Variants in CALB1 observed in about 807,000 individuals in gnomAD.
CALB1 encodes the protein calbindin.
Under a neutral mutation model 46.7 loss-of-function variants are expected in CALB1, and 16 were observed. The ratio of observed to expected loss-of-function variants is 0.34; its 90% CI spans 0.23 to 0.52. CALB1 has a LOEUF of 0.52. Ranked by LOEUF, CALB1 falls within the 20% of genes least tolerant of loss-of-function variation. The pLI, the probability that CALB1 is intolerant of heterozygous loss-of-function variation, is 0.95. For synonymous variants in CALB1, 90 were observed against 112.8 expected (o/e 0.80, Z 1.28); for missense variants, 224 against 300.3 (o/e 0.75, Z 1.88).
In CALB1 at chr8:90,060,213, C is replaced by A; in HGVS notation, c.746G>T (p.Arg249Leu). ...MALSDGGKLYRTDLALILCAG... is the reference protein window; with the variant it reads ...MALSDGGKLYLTDLALILCAG... ...ACAGAGAATAAGAGCAAGATCCGTT[C>A]GGTACAGCTTCCCTCCATCCGACAA... The change falls in exon 11 of 11, where the codon CGA becomes CTA. Residue 249 changes from arginine to leucine, a missense_variant. Transcript: ENST00000265431. The A allele has an allele frequency of 1.2e-6, 2 of 1,613,652 alleles. No homozygotes were observed. Among genetic ancestry groups the A allele is most frequent in the South Asian group, 1.1e-5 (1 of 91,072 alleles).
At chr8:90,065,011 A>C (rs1814366489) in intron 6 of CALB1, among the ~76,000 whole-genome samples, 2 of 151,870 alleles carry the variant, frequency 1.3e-5, no homozygotes, top group Admixed American at 6.6e-5. Flanking sequence ...TCAATCTAAT[A>C]TAACAGTAGC....
intron 3 of CALB1, among the ~76,000 whole-genome samples, chr8:90,071,153 G>C (rs991972689): frequency 6.6e-6 from 1 of 152,162 alleles, no homozygotes; most frequent in South Asian, 2.1e-4. Context: ...GAGTGGTTTG[G>C]TTGCTTCTTT....
At position 90,059,612 on chromosome 8, in the gene CALB1, G is replaced by A. The variant is rs1310545542; in HGVS notation, c.*561C>T. The A allele has an allele frequency of 6.6e-6, 1 of 152,646 alleles. No individual in the cohort carries two copies. The highest frequency in any genetic ancestry group is 1.5e-5 in the Non-Finnish European group (1 of 68,414). 9.5% of individuals were successfully genotyped at this position (152,646 alleles called of 1,614,324 possible). The stretch of plus-strand genomic sequence containing the variant: ...TAGTTTTGTATGGATCCAAGCAGTA[G>A]ACATGCTGTTGATTGGTAAACTAAA... On this transcript the variant is annotated 3_prime_UTR_variant, in exon 11 of 11. Transcript: ENST00000265431.
intron 6 of CALB1, among the ~76,000 whole-genome samples, chr8:90,065,603 T>A (rs868107838): frequency 6.6e-6 from 1 of 151,838 alleles, no homozygotes; most frequent in South Asian, 2.1e-4. Context: ...TTTAGTGATA[T>A]AATTACACTG....
rs949942967 is a variant in CALB1, at chr8:90,058,783, T to C, written c.*1390A>G. ...TGAGGGAAACATTATAGCTCACATT[T>C]TTTGGTTATTTTTATGAATTCAGAA... On this transcript the variant is annotated 3_prime_UTR_variant, in exon 11 of 11. Transcript: ENST00000265431. 1.6e-4 allele frequency: 24 copies of C among 152,314 alleles called. No homozygotes were observed. The highest frequency in any genetic ancestry group is 3.4e-3 in the Middle Eastern group (1 of 294). The allele number at this position is 152,314 out of a possible 1,614,324, so 9.4% of individuals were successfully genotyped here.
chr8:90,079,067 T>C (rs957065131), intron 2 of CALB1, among the ~76,000 whole-genome samples: 2 of 151,938 alleles, frequency 1.3e-5, no homozygotes, highest in African/African-American at 4.8e-5. Flanking sequence ...ATTCAGGAGG[T>C]TTAATTTTTA....
intron 2 of CALB1, among the ~76,000 whole-genome samples, 168 bp downstream of exon 2, chr8:90,081,851 CTTTCCCA>C (rs1208828355): frequency 2.6e-5 from 4 of 151,556 alleles, no homozygotes; most frequent in Non-Finnish European, 4.4e-5. Context: ...TCTCTTTCCC[CTTTCCCA>C]TTTCTCTGTA....
intron 9 of CALB1, chr8:90,061,733 C>T (rs557008269): frequency 1.3e-5 from 2 of 152,064 alleles, no homozygotes; most frequent in South Asian, 2.1e-4. Flanking sequence ...GGAAAGACGT[C>T]CTGTGTTTAT....
In CALB1 at chr8:90,059,913, C is replaced by G; in HGVS notation, c.*260G>C. The G allele has an allele frequency of 3.0e-6, 1 of 332,360 alleles. No individual in the cohort carries two copies. Among genetic ancestry groups the G allele is most frequent in the Non-Finnish European group, 5.4e-6 (1 of 183,896 alleles). The allele number at this position is 332,360 out of a possible 1,614,324, so 20.6% of individuals were successfully genotyped here. ...TCTTGTTCAACTATATTTGTGAAAG[C>G]AAGAATATGTTATTTTTTAAAATTG... On this transcript the variant is annotated 3_prime_UTR_variant, in exon 11 of 11. Coordinates refer to ENST00000265431, the MANE Select transcript of CALB1 (RefSeq NM_004929.4).
At chr8:90,073,448 A>T (rs1270179810) in intron 3 of CALB1, among the ~76,000 whole-genome samples, 1 of 152,202 alleles carries the variant, frequency 6.6e-6, no homozygotes, top group East Asian at 1.9e-4. Context: ...CTGAAGGGTC[A>T]TCCCAGCTTC....
At chr8:90,060,543 T>C in intron 10 of CALB1, 86 bp downstream of exon 10, 1 of 1,065,402 alleles carries the variant, frequency 9.4e-7, no homozygotes, top group East Asian at 2.4e-5. Flanking sequence ...ATTGTTAAAG[T>C]AGATTTCCAA....
At chr8:90,078,490 A>G (rs1192681690) in intron 2 of CALB1, 43 bp from the exon 3 acceptor site, 1 of 1,133,232 alleles carries the variant, frequency 8.8e-7, no homozygotes, top group African/African-American at 1.6e-5. Context: ...TTAAAAAAAT[A>G]CCAGTTATGC....
At chr8:90,080,973 T>C (rs1814721492) in intron 2 of CALB1, among the ~76,000 whole-genome samples, 1 of 152,116 alleles carries the variant, frequency 6.6e-6, no homozygotes, top group Non-Finnish European at 1.5e-5. Flanking sequence ...CCAAAGACCA[T>C]TAACGTGTAA....
intron 5 of CALB1, among the ~76,000 whole-genome samples, chr8:90,068,391 T>C (rs746870763): frequency 3.9e-5 from 6 of 152,204 alleles, no homozygotes; most frequent in Non-Finnish European, 7.3e-5. Flanking sequence ...TTTTAGAAGA[T>C]TTTTTATTTT....
At chr8:90,070,906 C>A (rs1205471918) in intron 3 of CALB1, among the ~76,000 whole-genome samples, 1 of 150,830 alleles carries the variant, frequency 6.6e-6, no homozygotes. Context: ...TTATTAAACT[C>A]AGGACATACT....
At chr8:90,069,751 A>G (rs1164832868) in intron 3 of CALB1, among the ~76,000 whole-genome samples, 1 of 152,198 alleles carries the variant, frequency 6.6e-6, no homozygotes, top group African/African-American at 2.4e-5. Flanking sequence ...ATGAGATACA[A>G]GAGAAGATAA....
chr8:90,081,372 G>T, intron 2 of CALB1: 2 of 389,630 alleles, frequency 5.1e-6, no homozygotes, highest in Non-Finnish European at 7.0e-6. Context: ...ATCTTTTCTT[G>T]CTAAATTCTT....
rs1814601827 is a variant in CALB1, at chr8:90,075,128, C to T, written c.231+3245G>A. Among the ~76,000 whole-genome samples the T allele has an allele frequency of 2.6e-5, 4 of 152,104 alleles. No individual in the cohort carries two copies. The South Asian group carries it at 8.3e-4, about 31-fold the overall frequency. On this transcript the variant is annotated intron_variant, in intron 3 of 10. Transcript: ENST00000265431. ...GTGGATTTTTAAATCTATTTAAAGG[C>T]AAGAAATTAGAAAGTTCAGAAAGAA...
intron 8 of CALB1, 56 bp downstream of exon 8, chr8:90,063,225 C>G (rs1814334935): frequency 6.5e-7 from 1 of 1,529,798 alleles, no homozygotes; most frequent in South Asian, 1.1e-5. Flanking sequence ...TGACAAGTCT[C>G]CCACATTCTA....
Sources: gnomAD v4.1 joint callset for allele counts (sites outside exome capture counted in the v4.1 genomes callset) on GRCh38, gnomAD v4.1.1 for gene constraint, MANE v1.5 for transcripts, NCBI Gene and HGNC (gene_info 2026-07-23, HGNC 2026-07-21) for gene names.